Variants in CHRM5 observed in about 807,000 individuals in gnomAD.
CHRM5 encodes muscarinic acetylcholine receptor M5.
Under a neutral mutation model 39.0 loss-of-function variants are expected in CHRM5, and 18 were observed. The ratio of observed to expected loss-of-function variants is 0.46; its 90% confidence interval spans 0.32 to 0.68. CHRM5 has a LOEUF of 0.68. Ranked by LOEUF, CHRM5 falls within the 30% of genes least tolerant of loss-of-function variation. The pLI, the probability that CHRM5 is intolerant of heterozygous loss-of-function variation, is 0.04. For synonymous variants in CHRM5, 241 were observed against 246.3 expected, an observed-to-expected ratio of 0.98 and a Z score of 0.20; for missense variants, 515 against 651.1, an observed-to-expected ratio of 0.79 and a Z score of 2.28.
intron 1 of CHRM5, among the ~76,000 whole-genome samples, chr15:33,984,950 C>T (rs922179335): frequency 4.6e-5 from 7 of 152,078 alleles, no homozygotes; most frequent in Non-Finnish European, 8.8e-5. Flanking sequence ...GATGAACCAA[C>T]CAATATTTTC....
rs758534979 is a variant in CHRM5, at chr15:34,003,095, C to A, written c.-408+33945C>A. On this transcript the variant is annotated intron_variant, in intron 1 of 2. Transcript: ENST00000383263. ...TGTGACTCTCCACTTTCATTATTGA[C>A]CTCTTTTTCAATATCTTGATATCGA... 1.9e-6 allele frequency: 3 copies of A among 1,613,782 alleles called. No homozygotes were observed. In the African/African-American group the frequency reaches 4.0e-5, roughly 22 times the overall value.
intron 1 of CHRM5, among the ~76,000 whole-genome samples, chr15:33,985,254 G>T (rs539642079): frequency 6.7e-6 from 1 of 149,578 alleles, no homozygotes; most frequent in African/African-American, 2.5e-5. Flanking sequence ...CTGGCAAAAG[G>T]AGTAGTCAAA....
chr15:34,066,423 C>T lies in CHRM5; in HGVS notation c.*2107C>T, dbSNP rs990687777. On this transcript the variant is annotated 3_prime_UTR_variant, in exon 3 of 3. Transcript: ENST00000383263. ...CTAATTTAAACAAAAGAACACAAAT[C>T]GGGAAAGGATGCCATGGAGGGCACT... The T allele has an allele frequency of 1.3e-5, 2 of 152,246 alleles. No homozygotes were observed. The highest frequency in any genetic ancestry group is 2.1e-4 in the South Asian group (1 of 4,832). 9.4% of individuals were successfully genotyped at this position (152,246 alleles called of 1,614,324 possible). A position where few individuals can be genotyped will look rare whatever the true frequency, so the allele number is the denominator to read the frequency against.
chr15:34,004,625 T>C lies in CHRM5; in HGVS notation c.-408+35475T>C, dbSNP rs1220839710. On this transcript the variant is annotated intron_variant, in intron 1 of 2. Transcript: ENST00000383263. Reference sequence around the variant, plus strand: ...TTAAAGTGTTGTTAACTTTTAGATATAAACACTGAACTCTTTATGGATGAA... The same window carrying C: ...TTAAAGTGTTGTTAACTTTTAGATACAAACACTGAACTCTTTATGGATGAA... Among the ~76,000 whole-genome samples the C allele has an allele frequency of 3.3e-5, 5 of 152,180 alleles. No homozygotes were observed. In the East Asian group the frequency reaches 9.6e-4, roughly 29 times the overall value.
At chr15:34,014,374 AAAAAAAAAAACAAAAAC>A (rs1278639191) in intron 1 of CHRM5, among the ~76,000 whole-genome samples, 1 of 98,444 alleles carries the variant, frequency 1.0e-5, no homozygotes, top group East Asian at 3.0e-4. Flanking sequence ...CATTAAAAAA[AAAAAAAAAAACAAAAAC>A]AAAAACCACG....
intron 1 of CHRM5, among the ~76,000 whole-genome samples, chr15:34,003,836 T>C (rs1209224794): frequency 6.6e-6 from 1 of 152,218 alleles, no homozygotes; most frequent in Non-Finnish European, 1.5e-5. Flanking sequence ...TACTTCTTAT[T>C]AACAACTTGA....
intron 1 of CHRM5, among the ~76,000 whole-genome samples, chr15:33,978,413 C>A (rs1190744336): frequency 6.6e-6 from 1 of 152,166 alleles, no homozygotes. Flanking sequence ...CCTGTAATCC[C>A]AGCACTTTAG....
At chr15:33,983,921 C>A (rs559896370) in intron 1 of CHRM5, among the ~76,000 whole-genome samples, 2 of 142,836 alleles carry the variant, frequency 1.4e-5, no homozygotes, top group African/African-American at 5.7e-5. Context: ...ATAATCTCAG[C>A]CTCATCATGA....
intron 1 of CHRM5, among the ~76,000 whole-genome samples, chr15:33,980,814 C>T (rs904522247): frequency 6.6e-6 from 1 of 152,172 alleles, no homozygotes; most frequent in Non-Finnish European, 1.5e-5. Context: ...AAAACATTAT[C>T]AACAAGAGTA....
intron 1 of CHRM5, among the ~76,000 whole-genome samples, chr15:34,037,109 C>CAA (rs59011779): frequency 1.5e-5 from 2 of 137,692 alleles, no homozygotes; most frequent in Non-Finnish European, 1.6e-5. Context: ...AACTCCGTCT[C>CAA]AAAAAAAAAA....
chr15:33,992,397 AAG>A (rs1896766278), intron 1 of CHRM5, among the ~76,000 whole-genome samples: 1 of 152,198 alleles, frequency 6.6e-6, no homozygotes. Context: ...CTCAAAAAAA[AAG>A]AAAAAAGAAA....
intron 1 of CHRM5, among the ~76,000 whole-genome samples, chr15:33,971,285 A>G (rs1895627708): frequency 6.6e-6 from 1 of 152,100 alleles, no homozygotes; most frequent in Non-Finnish European, 1.5e-5. Flanking sequence ...TCATTCACAC[A>G]TATTATATAA....
intron 1 of CHRM5, among the ~76,000 whole-genome samples, chr15:33,995,973 C>T (rs1010012851): frequency 5.3e-5 from 8 of 152,060 alleles, no homozygotes; most frequent in African/African-American, 9.7e-5. Context: ...TGGACACTTC[C>T]GCCCAAATAC....
intron 1 of CHRM5, among the ~76,000 whole-genome samples, chr15:34,009,164 CTA>C (rs1897524037): frequency 6.6e-6 from 1 of 152,026 alleles, no homozygotes; most frequent in South Asian, 2.1e-4. Flanking sequence ...TACAAAAAAG[CTA>C]TCTTTCAAAA....
At chr15:34,009,388 CTT>C (rs1373372897) in intron 1 of CHRM5, among the ~76,000 whole-genome samples, 1 of 152,120 alleles carries the variant, frequency 6.6e-6, no homozygotes, top group African/African-American at 2.4e-5. Context: ...TATTTCTTCT[CTT>C]GTCTTCCCTT....
At chr15:34,055,488 G>A (rs765684076) in intron 2 of CHRM5, among the ~76,000 whole-genome samples, 1 of 151,800 alleles carries the variant, frequency 6.6e-6, no homozygotes, top group African/African-American at 2.4e-5. Flanking sequence ...CTGGGCAACA[G>A]AGTGAAACAC....
intron 1 of CHRM5, among the ~76,000 whole-genome samples, chr15:33,986,778 G>T (rs1353439891): frequency 6.6e-6 from 1 of 151,236 alleles, no homozygotes; most frequent in Non-Finnish European, 1.5e-5. Context: ...TGTGTCAGCC[G>T]CCCGAGTAGC....
Position 34,063,596 on chromosome 15 carries a change from T to A in CHRM5, c.879T>A (p.Asn293Lys). 6.2e-7 allele frequency: 1 copy of A among 1,613,878 alleles called. No individual in the cohort carries two copies. Among genetic ancestry groups the A allele is most frequent in the Non-Finnish European group, 8.5e-7 (1 of 1,180,022 alleles). ...KPSQATGPSA[N>K]WAKAEQLTTC... ...CCCAAGCCACTGGCCCAAGCGCCAA[T>A]TGGGCCAAAGCTGAGCAGCTCACCA... The change falls in exon 3 of 3, where the codon AAT becomes AAA. Residue 293 changes from asparagine (N) to lysine (K), a missense_variant. Transcript: ENST00000383263. This position sits in a 1 kb window ranked among gnomAD's most constrained non-coding sequence, Gnocchi z 4.1.
intron 1 of CHRM5, among the ~76,000 whole-genome samples, chr15:33,980,689 C>T (rs150613969): frequency 1.3e-5 from 2 of 152,284 alleles, no homozygotes; most frequent in African/African-American, 2.4e-5. Context: ...ACCTGCCCCA[C>T]AACTTGGCCC....
Sources: allele counts gnomAD v4.1 joint callset (sites outside exome capture counted in the v4.1 genomes callset), GRCh38; gene constraint gnomAD v4.1.1; non-coding constraint Gnocchi (gnomAD v3.1); transcripts MANE v1.5; gene names NCBI Gene and HGNC (gene_info 2026-07-23, HGNC 2026-07-21).